Variants in ACACB observed in about 807,000 individuals in gnomAD.
The protein encoded by ACACB is acetyl-CoA carboxylase 2.
Under a neutral mutation model 278.8 loss-of-function variants are expected in ACACB, and 209 were observed. The observed-to-expected ratio is 0.75, with a 90% CI of 0.67 to 0.84. The LOEUF (loss-of-function observed/expected upper bound fraction) is 0.84. ACACB is among the 40% of genes least tolerant of loss of function. The pLI, the probability that ACACB is intolerant of heterozygous loss-of-function variation, is 0.00. For synonymous variants in ACACB, 1,174 were observed against 1,285.6 expected (o/e 0.91, Z 1.86); for missense variants, 2,850 against 3,269.0 (o/e 0.87, Z 3.13).
chr12:109,241,000 C>T (rs1328771192), intron 35 of ACACB, 78 bp from the exon 36 acceptor site: 7 of 1,441,562 alleles, frequency 4.9e-6, no homozygotes, highest in Non-Finnish European at 6.8e-6. Flanking sequence ...ATCTCATCCT[C>T]TTATTAGTAT....
chr12:109,215,272 T>G (rs112617919), intron 22 of ACACB, among the ~76,000 whole-genome samples: 3 of 152,072 alleles, frequency 2.0e-5, no homozygotes, highest in African/African-American at 7.2e-5. Flanking sequence ...ATCCGAAATC[T>G]ATGAAGTTTT....
rs375853051 is a variant in ACACB at position 109,250,365 on chromosome 12, C to T, written c.5790+261C>T. 3.3e-5 allele frequency among the ~76,000 whole-genome samples: 5 copies of T among 151,904 alleles called. No homozygotes were observed. The East Asian group carries it at 9.7e-4, about 29-fold the overall frequency. ...TAGATCTTTAACAGATAATGACTCT[C>T]ACCCTCTTCCCCCGGTTTTTAAAAA... On this transcript the variant is annotated intron_variant, in intron 41 of 52. Coordinates refer to ENST00000338432, the MANE Select transcript of ACACB (RefSeq NM_001093.4).
chr12:109,234,078 G>GT, intron 31 of ACACB, 33 bp downstream of exon 31: 1 of 1,539,730 alleles, frequency 6.5e-7, no homozygotes. Context: ...TTTGGTGGGG[G>GT]TTCTTGGAGA....
intron 27 of ACACB, among the ~76,000 whole-genome samples, chr12:109,225,012 G>A (rs1593628124): frequency 6.6e-6 from 1 of 152,104 alleles, no homozygotes; most frequent in East Asian, 1.9e-4. Flanking sequence ...ACCATCTTGG[G>A]CTTGTTAGCA....
At chr12:109,111,481 G>GCA in the ACACB span, 47 of 152,310 alleles carry the variant, frequency 3.1e-4, no homozygotes, top group African/African-American at 1.1e-3. Flanking sequence ...AGGTAGTGGG[G>GCA]GCTGTCAGGA....
chr12:109,205,242 T>C (rs1419632861), intron 19 of ACACB, among the ~76,000 whole-genome samples: 1 of 152,148 alleles, frequency 6.6e-6, no homozygotes, highest in East Asian at 1.9e-4. Flanking sequence ...GCACTGTGAT[T>C]CCTTTCAGCA....
At chr12:109,232,284 G>A (rs1056799837) in intron 28 of ACACB, among the ~76,000 whole-genome samples, 5 of 152,264 alleles carry the variant, frequency 3.3e-5, no homozygotes, top group East Asian at 1.9e-4. Context: ...TGGAGTGTCC[G>A]TCAGGACCAA....
intron 1 of ACACB, among the ~76,000 whole-genome samples, chr12:109,121,364 G>A (rs974887639): frequency 9.9e-5 from 15 of 152,162 alleles, no homozygotes; most frequent in Admixed American, 3.3e-4. Flanking sequence ...GGAAGGGGTC[G>A]GGGGAGATGA....
intron 16 of ACACB, among the ~76,000 whole-genome samples, chr12:109,194,268 T>C (rs2045014246): frequency 6.6e-6 from 1 of 152,092 alleles, no homozygotes; most frequent in South Asian, 2.1e-4. Flanking sequence ...CAACCTTGGC[T>C]CACTGCAACC....
At chr12:109,201,509 G>A in intron 18 of ACACB, 58 bp from the exon 19 acceptor site, 1 of 1,599,358 alleles carries the variant, frequency 6.3e-7, no homozygotes, top group Non-Finnish European at 8.5e-7. Flanking sequence ...CTAGTTCTGG[G>A]TGGCTCTGGG....
chr12:109,135,640 C>T (rs903380205), intron 1 of ACACB, among the ~76,000 whole-genome samples: 2 of 151,668 alleles, frequency 1.3e-5, no homozygotes, highest in African/African-American at 4.8e-5. Context: ...TGATGAATTA[C>T]TTCTATGTTT....
chr12:109,172,178 T>C, intron 5 of ACACB, 97 bp from the exon 6 acceptor site: 1 of 1,204,104 alleles, frequency 8.3e-7, no homozygotes, highest in Non-Finnish European at 1.2e-6. Flanking sequence ...TGCCTTGGCC[T>C]CCCAAACTGC....
chr12:109,151,976 C>G (rs2043387310), intron 2 of ACACB, among the ~76,000 whole-genome samples: 1 of 152,168 alleles, frequency 6.6e-6, no homozygotes, highest in African/African-American at 2.4e-5. Flanking sequence ...CTTCTATTCC[C>G]TAATAATGCA....
chr12:109,162,671 TCCCCGTTCC>T (rs555691386), intron 2 of ACACB, among the ~76,000 whole-genome samples: 3 of 152,126 alleles, frequency 2.0e-5, no homozygotes, highest in Non-Finnish European at 4.4e-5. Flanking sequence ...TCTTAGAACT[TCCCCGTTCC>T]CCCCGGGGCT....
At chr12:109,130,021 G>T (rs1345531445) in intron 1 of ACACB, among the ~76,000 whole-genome samples, 1 of 152,196 alleles carries the variant, frequency 6.6e-6, no homozygotes, top group Non-Finnish European at 1.5e-5. Flanking sequence ...GGTAGGCGAG[G>T]CTGGGTATTT....
In ACACB at chr12:109,237,255, G is replaced by C. The variant is rs754860995; in HGVS notation, c.4537G>C (p.Val1513Leu). Reference sequence around the variant, plus strand: ...GATGCGTAACTTCGATCTGACCGCCGTGCCCTGTGCCAACCACAAGATGCA... The same window carrying C: ...GATGCGTAACTTCGATCTGACCGCCCTGCCCTGTGCCAACCACAAGATGCA... ...NRMRNFDLTA[V>L]PCANHKMHLY... The change falls in exon 34 of 53, where the codon GTG becomes CTG. Residue 1513 changes from valine (V) to leucine (L), a missense_variant. Physicochemically the swap from Val to Leu is conservative, Grantham distance 32. This residue lies in a region of ACACB where 2,265 missense variants were observed against 2,561.3 expected (regional missense o/e 0.88). Transcript: ENST00000338432. 2 of 1,614,170 alleles carry C rather than the reference G, an allele frequency of 1.2e-6. No individual in the cohort carries two copies. The highest frequency in any genetic ancestry group is 4.5e-5 in the East Asian group (2 of 44,890).
Position 109,241,288 on chromosome 12 carries a change from C to T in ACACB, c.5022+7C>T, listed in dbSNP as rs1429153817. The stretch of plus-strand genomic sequence containing the variant: ...TGACTCCAGATCTGGAAATGTAAGG[C>T]TGGCCCGCGCCGTGGGGGTCTAAGT... On this transcript the variant is annotated splice_region_variant and intron_variant, in intron 36 of 52. Coordinates refer to ENST00000338432, the MANE Select transcript of ACACB (RefSeq NM_001093.4). 6.2e-7 allele frequency: 1 copy of T among 1,613,676 alleles called. No homozygotes were observed. The highest frequency in any genetic ancestry group is 8.5e-7 in the Non-Finnish European group (1 of 1,179,612).
In ACACB at chr12:109,166,649, C is replaced by CAAAAAAAAAAAAAAA. The variant is rs869303420; in HGVS notation, c.654-198_654-184dup. On this transcript the variant is annotated intron_variant, in intron 2 of 52. Transcript: ENST00000338432. ...TAGGTGACAGAATGAGATCCCGTCTCAAAAAAAAAAAAAAAAAAAAAAAAA... is the reference window on the plus strand; with the variant it reads ...TAGGTGACAGAATGAGATCCCGTCTCAAAAAAAAAAAAAAAAAAAAAAAAAAAAAAAAAAAAAAAA... Among the ~76,000 whole-genome samples, 14 of 25,088 alleles carry CAAAAAAAAAAAAAAA rather than the reference C, an allele frequency of 5.6e-4. 4 individuals carry two copies. The highest frequency in any genetic ancestry group is 9.0e-4 in the Non-Finnish European group (14 of 15,570). The allele number at this position is 25,088 out of a possible 152,430, so 16.5% of individuals were successfully genotyped here.
At chr12:109,257,095 G>A (rs1480937887) in intron 45 of ACACB, among the ~76,000 whole-genome samples, 4 of 151,994 alleles carry the variant, frequency 2.6e-5, no homozygotes, top group South Asian at 4.2e-4. Context: ...CCAACATGGC[G>A]AAACCCCGTC....
Sources: allele counts gnomAD v4.1 joint callset (sites outside exome capture counted in the v4.1 genomes callset), GRCh38; gene constraint gnomAD v4.1.1; regional missense constraint gnomAD v4.1.1; transcripts MANE v1.5; gene names NCBI Gene and HGNC (gene_info 2026-07-23, HGNC 2026-07-21).